Variants in CHLSN observed in about 807,000 individuals in gnomAD.
The protein encoded by CHLSN is protein cholesin.
chr7:1,000,499 G>C, the CHLSN span: 1 of 1,608,550 alleles, frequency 6.2e-7, no homozygotes, highest in Non-Finnish European at 8.5e-7. Flanking sequence ...TGCAGCAGGA[G>C]CCACGTCTGC....
At chr7:1,118,970 G>A in the CHLSN span, among the ~76,000 whole-genome samples, 1 of 151,676 alleles carries the variant, frequency 6.6e-6, no homozygotes, top group Non-Finnish European at 1.5e-5. Context: ...ATAGGCTATT[G>A]TGGGCTGGGC....
the CHLSN span, chr7:1,000,415 C>CGCCGTGCACAGACCTCAGCCCCCA: frequency 2.5e-5 from 28 of 1,136,498 alleles, no homozygotes; most frequent in Non-Finnish European, 3.2e-5. Flanking sequence ...GTGCCTGCCC[C>CGCCGTGCACAGACCTCAGCCCCCA]GCCGTGCACA....
At chr7:1,067,072 C>T in the CHLSN span, among the ~76,000 whole-genome samples, 3 of 149,736 alleles carry the variant, frequency 2.0e-5, no homozygotes, top group African/African-American at 7.4e-5. Context: ...GGAGTACATC[C>T]CAGAGGTGAG....
the CHLSN span, among the ~76,000 whole-genome samples, chr7:1,117,300 T>C: frequency 1.1e-3 from 71 of 65,984 alleles, 6 homozygotes; most frequent in Non-Finnish European, 1.4e-3. Flanking sequence ...GATGATGACA[T>C]CACTACAGCT....
chr7:1,075,314 C>T, the CHLSN span, among the ~76,000 whole-genome samples: 1 of 152,092 alleles, frequency 6.6e-6, no homozygotes, highest in Admixed American at 6.5e-5. Flanking sequence ...AGATTGAGAC[C>T]AGCCTCTTCA....
the CHLSN span, among the ~76,000 whole-genome samples, chr7:1,012,051 C>T: frequency 1.3e-5 from 2 of 152,234 alleles, no homozygotes; most frequent in South Asian, 2.1e-4. Context: ...GGCCCACAGC[C>T]GCCCACAGCC....
the CHLSN span, among the ~76,000 whole-genome samples, chr7:1,116,157 C>T: frequency 9.7e-5 from 13 of 133,756 alleles, no homozygotes; most frequent in African/African-American, 3.1e-4. Flanking sequence ...CTCTACGGAC[C>T]GGCTTCCATC....
the CHLSN span, chr7:986,994 G>A: frequency 7.2e-7 from 1 of 1,388,842 alleles, no homozygotes; most frequent in Non-Finnish European, 9.4e-7. Context: ...GCTGAGGGAT[G>A]GCTGAGCCCA....
chr7:1,091,478 C>G, the CHLSN span: 1 of 476,280 alleles, frequency 2.1e-6, no homozygotes, highest in Non-Finnish European at 3.7e-6. Flanking sequence ...GCCCGCCGGA[C>G]GAGCACGCGG....
the CHLSN span, among the ~76,000 whole-genome samples, chr7:985,494 A>G: frequency 1.3e-5 from 2 of 152,174 alleles, no homozygotes; most frequent in South Asian, 4.1e-4. Flanking sequence ...TTAGCTGGTC[A>G]TGTGGCCTCA....
chr7:1,086,553 C>T, the CHLSN span, among the ~76,000 whole-genome samples: 1 of 152,218 alleles, frequency 6.6e-6, no homozygotes, highest in Non-Finnish European at 1.5e-5. Flanking sequence ...AAATACACAT[C>T]TGAAAGACTT....
chr7:1,061,370 G>A, the CHLSN span, among the ~76,000 whole-genome samples: 1 of 151,988 alleles, frequency 6.6e-6, no homozygotes, highest in African/African-American at 2.4e-5. Flanking sequence ...CCTGCTACCT[G>A]AGACACTTCA....
the CHLSN span, among the ~76,000 whole-genome samples, chr7:1,129,741 C>A: frequency 1.3e-5 from 2 of 152,224 alleles, no homozygotes; most frequent in Non-Finnish European, 1.5e-5. Context: ...CCATGCCCAG[C>A]CCCGTTCGGT....
chr7:1,057,738 G>T, the CHLSN span: 1 of 775,512 alleles, frequency 1.3e-6, no homozygotes, highest in South Asian at 1.3e-5. Flanking sequence ...GGCAGGCCTG[G>T]TGCTCAGCGC....
At chr7:1,105,104 C>T in the CHLSN span, among the ~76,000 whole-genome samples, 1 of 152,142 alleles carries the variant, frequency 6.6e-6, no homozygotes, top group Non-Finnish European at 1.5e-5. Flanking sequence ...AAATAGTTGT[C>T]ATGAAGGAAG....
the CHLSN span, among the ~76,000 whole-genome samples, chr7:1,071,311 AACTT>A: frequency 6.6e-6 from 1 of 152,384 alleles, no homozygotes; most frequent in South Asian, 2.1e-4. Flanking sequence ...TTTTGAAAGA[AACTT>A]TAATAAACGA....
the CHLSN span, among the ~76,000 whole-genome samples, chr7:1,090,605 A>C: frequency 6.5e-3 from 813 of 124,826 alleles, 7 homozygotes; most frequent in African/African-American, 0.025. Context: ...CTGGCGGCAG[A>C]GCCAGGGTGA....
chr7:1,102,682 G>A, the CHLSN span, among the ~76,000 whole-genome samples: 1 of 152,164 alleles, frequency 6.6e-6, no homozygotes, highest in Non-Finnish European at 1.5e-5. Context: ...GAGAACAGGT[G>A]ACCCACTGAA....
At chr7:1,062,812 A>G in the CHLSN span, among the ~76,000 whole-genome samples, 1 of 152,174 alleles carries the variant, frequency 6.6e-6, no homozygotes, top group Non-Finnish European at 1.5e-5. Context: ...CAGGTTGGGA[A>G]GTGAAGGAAG....
Sources: gnomAD v4.1 joint callset for allele counts (sites outside exome capture counted in the v4.1 genomes callset) on GRCh38, gnomAD v4.1.1 for gene constraint, MANE v1.5 for transcripts, NCBI Gene and HGNC (gene_info 2026-07-23, HGNC 2026-07-21) for gene names.